CDIN1: variants seen among roughly 807,000 people sequenced by gnomAD.
CDIN1 encodes the protein CDAN1 interacting nuclease 1, also known as CDAN1-interacting nuclease 1.
Under a neutral mutation model 45.3 loss-of-function variants are expected in CDIN1, and 33 were observed. That is an observed-to-expected ratio of 0.73 (90% CI 0.55 to 0.97). The LOEUF (loss-of-function observed/expected upper bound fraction) is 0.97, where lower values mean the gene tolerates loss of function less well. Ranked by LOEUF, CDIN1 falls within the 50% of genes least tolerant of loss-of-function variation. The probability of loss-of-function intolerance (pLI) is 0.00; values close to 1 mark genes in which losing one functional copy is unlikely to be tolerated. For synonymous variants in CDIN1, 118 were observed against 124.4 expected (o/e 0.95, Z 0.34); for missense variants, 303 against 339.4 (o/e 0.89, Z 0.84).
chr15:36,766,136 C>A (rs2053918421), intron 10 of CDIN1, among the ~76,000 whole-genome samples: 1 of 152,188 alleles, frequency 6.6e-6, no homozygotes, highest in East Asian at 1.9e-4. Context: ...ATTTTAGATA[C>A]CTCATATGAG....
At chr15:36,652,272 G>A (rs1387903938) in intron 3 of CDIN1, among the ~76,000 whole-genome samples, 1 of 152,030 alleles carries the variant, frequency 6.6e-6, no homozygotes, top group African/African-American at 2.4e-5. Context: ...TTTTCCTGCT[G>A]TTGCTTCTTC....
intron 10 of CDIN1, among the ~76,000 whole-genome samples, chr15:36,774,057 A>T (rs2054145323): frequency 6.6e-6 from 1 of 152,010 alleles, no homozygotes; most frequent in Non-Finnish European, 1.5e-5. Context: ...GGAGTCAGAG[A>T]AGAGTCTTCT....
At chr15:36,663,879 C>T (rs186553243) in intron 5 of CDIN1, among the ~76,000 whole-genome samples, 2 of 152,248 alleles carry the variant, frequency 1.3e-5, no homozygotes, top group African/African-American at 4.8e-5. Flanking sequence ...TTGTTGACCG[C>T]AGTTAAGAAC....
At chr15:36,701,888 TGTC>T in intron 8 of CDIN1, 2 of 585,270 alleles carry the variant, frequency 3.4e-6, no homozygotes, top group Non-Finnish European at 6.1e-6. Context: ...GGATGTCCCT[TGTC>T]GTAAGAAATT....
chr15:36,801,201 G>C (rs933301134), intron 10 of CDIN1, among the ~76,000 whole-genome samples: 2 of 151,580 alleles, frequency 1.3e-5, no homozygotes, highest in African/African-American at 2.4e-5. Flanking sequence ...TGCAATTATG[G>C]TAATTCAGCT....
chr15:36,641,785 C>T (rs1268641364), intron 1 of CDIN1: 1 of 152,048 alleles, frequency 6.6e-6, no homozygotes, highest in Non-Finnish European at 1.5e-5. Flanking sequence ...AACTCCCGTC[C>T]ACCTTGTTTA....
At chr15:36,745,353 A>G (rs1307509886) in intron 10 of CDIN1, among the ~76,000 whole-genome samples, 2 of 152,162 alleles carry the variant, frequency 1.3e-5, no homozygotes, top group Non-Finnish European at 2.9e-5. Flanking sequence ...TGAACTTATT[A>G]TATATATTTT....
intron 7 of CDIN1, among the ~76,000 whole-genome samples, chr15:36,693,995 C>T (rs942665083): frequency 1.2e-4 from 18 of 152,042 alleles, no homozygotes; most frequent in African/African-American, 2.9e-4. Context: ...TTACATTCAC[C>T]GACTAGGTTA....
intron 10 of CDIN1, among the ~76,000 whole-genome samples, chr15:36,712,078 T>C (rs1225476009): frequency 6.6e-6 from 1 of 152,074 alleles, no homozygotes; most frequent in Non-Finnish European, 1.5e-5. Flanking sequence ...TGGAAGAAAT[T>C]CTCTCCCACC....
intron 1 of CDIN1, among the ~76,000 whole-genome samples, chr15:36,602,680 A>G (rs1037302281): frequency 6.6e-6 from 1 of 152,164 alleles, no homozygotes; most frequent in Non-Finnish European, 1.5e-5. Flanking sequence ...GTGATTCTTA[A>G]AGATAAGTTG....
intron 1 of CDIN1, chr15:36,626,576 C>T: frequency 4.0e-6 from 1 of 247,996 alleles, no homozygotes; most frequent in Non-Finnish European, 7.9e-6. Context: ...GTTTTGGCGA[C>T]TAATAGCAAG....
chr15:36,690,012 C>T (rs2042186110), intron 5 of CDIN1, among the ~76,000 whole-genome samples: 1 of 152,148 alleles, frequency 6.6e-6, no homozygotes, highest in South Asian at 2.1e-4. Flanking sequence ...GTTGCAGAGC[C>T]AGTTGTAGAG....
chr15:36,644,875 C>T (rs547958869), intron 2 of CDIN1, among the ~76,000 whole-genome samples: 4 of 152,218 alleles, frequency 2.6e-5, no homozygotes, highest in East Asian at 3.9e-4. Context: ...GGAATTGAAT[C>T]GAGGGAAAAT....
chr15:36,618,653 G>A (rs1423822532), intron 1 of CDIN1: 2 of 819,074 alleles, frequency 2.4e-6, no homozygotes, highest in Non-Finnish European at 4.4e-6. Flanking sequence ...AGAGTTAGTT[G>A]CCCAGTGCCT....
intron 10 of CDIN1, among the ~76,000 whole-genome samples, chr15:36,722,929 C>T (rs2043478863): frequency 6.6e-6 from 1 of 150,824 alleles, no homozygotes; most frequent in Non-Finnish European, 1.5e-5. Flanking sequence ...TCCCTTTATT[C>T]ATTAACACAA....
chr15:36,620,102 A>G (rs1307068691), intron 1 of CDIN1, among the ~76,000 whole-genome samples: 2 of 152,170 alleles, frequency 1.3e-5, no homozygotes, highest in African/African-American at 4.8e-5. Flanking sequence ...CTGTAATCCC[A>G]GCACTTTGGG....
chr15:36,788,089 TA>T, intron 10 of CDIN1, among the ~76,000 whole-genome samples: 1 of 35,624 alleles, frequency 2.8e-5, no homozygotes, highest in South Asian at 1.5e-3. Context: ...TATATATATA[TA>T]TATATATATA....
At chr15:36,741,082 G>T (rs1595542875) in intron 10 of CDIN1, among the ~76,000 whole-genome samples, 2 of 152,270 alleles carry the variant, frequency 1.3e-5, no homozygotes, top group East Asian at 3.9e-4. Flanking sequence ...GAATATAGGT[G>T]TGGACCACCA....
intron 5 of CDIN1, among the ~76,000 whole-genome samples, chr15:36,661,738 G>C (rs970893596): frequency 6.6e-6 from 1 of 152,132 alleles, no homozygotes; most frequent in Non-Finnish European, 1.5e-5. Context: ...TGTTAAATGT[G>C]TGAGTGAGTG....
Sources: gnomAD v4.1 joint callset for allele counts (sites outside exome capture counted in the v4.1 genomes callset) on GRCh38, gnomAD v4.1.1 for gene constraint, MANE v1.5 for transcripts, NCBI Gene and HGNC (gene_info 2026-07-23, HGNC 2026-07-21) for gene names.